NPAS2: variants seen among roughly 807,000 people sequenced by gnomAD.
NPAS2 encodes neuronal PAS domain-containing protein 2.
A neutral mutation model predicts 107.5 loss-of-function variants in NPAS2; 23 were observed. The observed-to-expected ratio is 0.21, with a 90% CI of 0.15 to 0.30. The LOEUF is 0.30. NPAS2 is among the 10% of genes least tolerant of loss of function. NPAS2 has a pLI of 1.00. For synonymous variants in NPAS2, 403 were observed against 417.5 expected, an observed-to-expected ratio of 0.97 and a Z score of 0.42; for missense variants, 756 against 1,043.3, an observed-to-expected ratio of 0.72 and a Z score of 3.79.
intron 16 of NPAS2, chr2:100,986,056 A>T (rs1299954678): frequency 1.3e-5 from 2 of 152,218 alleles, no homozygotes; most frequent in East Asian, 3.8e-4. Flanking sequence ...AATGAGTCTT[A>T]TTTTAATAGG....
chr2:100,865,056 T>C (rs1014888502), intron 1 of NPAS2, among the ~76,000 whole-genome samples: 6 of 152,316 alleles, frequency 3.9e-5, no homozygotes, highest in African/African-American at 1.4e-4. Context: ...GAAACTCCAC[T>C]GTACATTTGT....
intron 7 of NPAS2, among the ~76,000 whole-genome samples, chr2:100,951,025 C>T (rs1429276520): frequency 6.6e-6 from 1 of 152,142 alleles, no homozygotes; most frequent in Non-Finnish European, 1.5e-5. Flanking sequence ...TTGGGTGAGG[C>T]AACTTATTAA....
At chr2:100,908,161 G>A (rs1190465647) in intron 2 of NPAS2, among the ~76,000 whole-genome samples, 1 of 152,180 alleles carries the variant, frequency 6.6e-6, no homozygotes, top group Non-Finnish European at 1.5e-5. Context: ...CCTTGGGCAA[G>A]TCACTAAATC....
intron 10 of NPAS2, among the ~76,000 whole-genome samples, chr2:100,967,504 G>A (rs1676295613): frequency 6.6e-6 from 1 of 152,058 alleles, no homozygotes; most frequent in East Asian, 1.9e-4. Flanking sequence ...GGGATTACAG[G>A]CATGAGCCCC....
chr2:100,841,746 A>ATACC (rs1677415065), intron 1 of NPAS2, among the ~76,000 whole-genome samples: 2 of 152,204 alleles, frequency 1.3e-5, no homozygotes, highest in Non-Finnish European at 2.9e-5. Flanking sequence ...ACATGCATAC[A>ATACC]TACCTGCATA....
Position 100,964,860 on chromosome 2 carries a change from G to C in NPAS2, c.718-1G>C. The C allele has an allele frequency of 6.4e-7, 1 of 1,570,822 alleles. No individual in the cohort carries two copies. The highest frequency in any genetic ancestry group is 8.6e-7 in the Non-Finnish European group (1 of 1,166,222). ...TTTTTTTTTTTCTGCTTCCAATACA[G>C]GAAATGTGCATAGTTGACGAACCTT... is the stretch of plus-strand genomic sequence containing the variant. On this transcript the variant is annotated splice_acceptor_variant, in intron 8 of 20. Coordinates refer to ENST00000335681, the MANE Select transcript of NPAS2 (RefSeq NM_002518.4). LOFTEE classifies it high-confidence loss of function.
chr2:100,990,523 A>G, intron 18 of NPAS2, 77 bp downstream of exon 18: 1 of 1,447,486 alleles, frequency 6.9e-7, no homozygotes, highest in African/African-American at 1.4e-5. Context: ...TTTCTGCTTT[A>G]GACGGAGGCA....
At chr2:100,863,486 GC>G (rs1409198090) in intron 1 of NPAS2, among the ~76,000 whole-genome samples, 10 of 152,190 alleles carry the variant, frequency 6.6e-5, no homozygotes, top group Non-Finnish European at 1.5e-4. Context: ...ACAGATCTGT[GC>G]CCCATGTTTG....
At chr2:100,924,866 C>T (rs918160540) in intron 2 of NPAS2, among the ~76,000 whole-genome samples, 23 of 152,254 alleles carry the variant, frequency 1.5e-4, no homozygotes, top group African/African-American at 4.6e-4. Context: ...CTATGAGATC[C>T]GAATGAGCAG....
intron 1 of NPAS2, among the ~76,000 whole-genome samples, chr2:100,862,088 G>T (rs963207134): frequency 6.6e-6 from 1 of 152,134 alleles, no homozygotes; most frequent in African/African-American, 2.4e-5. Flanking sequence ...ATAGATTGTG[G>T]ATAAAGAATT....
In NPAS2 at chr2:100,875,461, TACACACACACACACACAC is replaced by T. The variant is rs56331462; in HGVS notation, c.-22-29244_-22-29227del. Among the ~76,000 whole-genome samples the T allele has an allele frequency of 3.8e-3, 548 of 143,662 alleles. 9 individuals carry two copies. The highest frequency in any genetic ancestry group is 0.012 in the African/African-American group (465 of 38,702). The allele number at this position is 143,662 out of a possible 152,430, so 94.2% of individuals were successfully genotyped here. On this transcript the variant is annotated intron_variant, in intron 1 of 20. Coordinates refer to ENST00000335681, the MANE Select transcript of NPAS2 (RefSeq NM_002518.4). ...ATAAAATTTTTAAAAATTAAAAGCT[TACACACACACACACACAC>T]ACACACACACACACACACACACACA...
At chr2:100,906,349 G>A (rs1036414015) in intron 2 of NPAS2, among the ~76,000 whole-genome samples, 12 of 152,158 alleles carry the variant, frequency 7.9e-5, no homozygotes, top group African/African-American at 1.2e-4. Flanking sequence ...TGGATGGAGC[G>A]CTGGAGACAG....
chr2:100,984,932 C>T (rs1345784089), intron 16 of NPAS2: 1 of 152,014 alleles, frequency 6.6e-6, no homozygotes, highest in Non-Finnish European at 1.5e-5. Context: ...GGTGTTTGCA[C>T]CTGGATGGGG....
intron 2 of NPAS2, among the ~76,000 whole-genome samples, chr2:100,917,010 C>T (rs922735127): frequency 2.1e-4 from 32 of 152,078 alleles, no homozygotes; most frequent in East Asian, 7.7e-4. Context: ...AGTGGGTTGC[C>T]GCTACAGCAA....
At chr2:100,872,392 C>T (rs1368363615) in intron 1 of NPAS2, among the ~76,000 whole-genome samples, 6 of 152,164 alleles carry the variant, frequency 3.9e-5, no homozygotes, top group African/African-American at 1.2e-4. Context: ...TGCCTGCAAC[C>T]TAGGAAGCCG....
At chr2:100,916,490 G>T (rs923945615) in intron 2 of NPAS2, among the ~76,000 whole-genome samples, 2 of 152,092 alleles carry the variant, frequency 1.3e-5, no homozygotes, top group African/African-American at 4.8e-5. Context: ...TCAGAGCAAA[G>T]AAATTTACTA....
rs539990645 is a variant in NPAS2, at chr2:100,820,370, C to A, written c.-67C>A. ...GCGGCGGGAGGCGCGTCTCCCCGGC[C>A]CAGTCCGCGCCCGGCCCCGCGGGGC... On this transcript the variant is annotated 5_prime_UTR_variant, in exon 1 of 21. Transcript: ENST00000335681. This position sits in a 1 kb window ranked among gnomAD's most constrained non-coding sequence, Gnocchi z 5.6. The A allele has an allele frequency of 6.7e-6, 1 of 149,186 alleles. No homozygotes were observed. Among genetic ancestry groups the A allele is most frequent in the Non-Finnish European group, 1.5e-5 (1 of 66,926 alleles). The allele number at this position is 149,186 out of a possible 1,614,324, so 9.2% of individuals were successfully genotyped here.
chr2:100,859,862 A>G (rs1299934818), intron 1 of NPAS2, among the ~76,000 whole-genome samples: 1 of 152,236 alleles, frequency 6.6e-6, no homozygotes, highest in African/African-American at 2.4e-5. Context: ...AGCCTTTGCT[A>G]AGAATGTTAA....
chr2:100,993,081 C>T (rs1678230787), intron 19 of NPAS2, among the ~76,000 whole-genome samples: 1 of 152,054 alleles, frequency 6.6e-6, no homozygotes, highest in Non-Finnish European at 1.5e-5. Flanking sequence ...AGGTGCCCAA[C>T]ATGACACCTG....
Sources: allele counts gnomAD v4.1 joint callset (sites outside exome capture counted in the v4.1 genomes callset), GRCh38; gene constraint gnomAD v4.1.1; non-coding constraint Gnocchi (gnomAD v3.1); transcripts MANE v1.5; gene names NCBI Gene and HGNC (gene_info 2026-07-23, HGNC 2026-07-21).